FOXK2: variants seen among roughly 807,000 people sequenced by gnomAD.
FOXK2 encodes the protein forkhead box K2.
In FOXK2, 24 loss-of-function variants were observed where a neutral mutation model predicts 53.3. The observed-to-expected ratio is 0.45, with a 90% CI of 0.33 to 0.63. The LOEUF (loss-of-function observed/expected upper bound fraction) is 0.63, where lower values mean the gene tolerates loss of function less well. FOXK2 is among the 30% of genes least tolerant of loss of function. The probability of loss-of-function intolerance (pLI) is 0.03; values close to 1 mark genes in which losing one functional copy is unlikely to be tolerated. For synonymous variants in FOXK2, 505 were observed against 407.1 expected (o/e 1.24, Z -2.89); for missense variants, 952 against 910.5 (o/e 1.05, Z -0.59).
intron 8 of FOXK2, among the ~76,000 whole-genome samples, chr17:82,591,811 C>A (rs1019738366): frequency 6.6e-6 from 1 of 152,234 alleles, no homozygotes; most frequent in Admixed American, 6.5e-5. Context: ...CTTCTGCTTC[C>A]TGTTTCCAAA....
chr17:82,583,225 C>G (rs1280545958), intron 5 of FOXK2, among the ~76,000 whole-genome samples: 2 of 152,194 alleles, frequency 1.3e-5, no homozygotes, highest in African/African-American at 4.8e-5. Context: ...TTTTTCCTTT[C>G]CCTTGGCACA....
chr17:82,565,425 G>C (rs976842307), intron 2 of FOXK2, among the ~76,000 whole-genome samples: 5 of 152,110 alleles, frequency 3.3e-5, no homozygotes, highest in Non-Finnish European at 7.3e-5. Context: ...CATCTGACAA[G>C]GGATTAATAT....
Position 82,586,056 on chromosome 17 carries a change from C to G in FOXK2, c.1432C>G (p.Pro478Ala), listed in dbSNP as rs2045137608. The change falls in exon 7 of 9, where the codon CCA becomes GCA. Residue 478 changes from proline (P) to alanine (A), a missense_variant. Physicochemically the swap from Pro to Ala is conservative, Grantham distance 27. Transcript: ENST00000335255. ...GACGGTTCACGTCGTCCACCAGATCCCAGCGGTGTCGGTCACCAGTGTGGC... is the reference window on the plus strand; with the variant it reads ...GACGGTTCACGTCGTCCACCAGATCGCAGCGGTGTCGGTCACCAGTGTGGC... ...VQTVHVVHQI[P>A]AVSVTSVAGL... 2.5e-6 allele frequency: 4 copies of G among 1,612,834 alleles called. No homozygotes were observed. The highest frequency in any genetic ancestry group is 2.5e-6 in the Non-Finnish European group (3 of 1,179,996).
chr17:82,586,015 A>G lies in FOXK2; in HGVS notation c.1391A>G (p.Gln464Arg), dbSNP rs1025934424. 12 of 1,612,768 alleles carry G rather than the reference A, an allele frequency of 7.4e-6. No homozygotes were observed. The highest frequency in any genetic ancestry group is 1.0e-5 in the Non-Finnish European group (12 of 1,179,964). The stretch of plus-strand genomic sequence containing the variant: ...ACCCCAGTGACCACCTCGACCTCCC[A>G]GCCACCCGTCGTGCAGACGGTTCAC... ...VATPVTTSTS[Q>R]PPVVQTVHVV... The change falls in exon 7 of 9, where the codon CAG becomes CGG. Residue 464 changes from glutamine to arginine, a missense_variant. Transcript: ENST00000335255.
chr17:82,598,306 G>T (rs1051936430), intron 8 of FOXK2, among the ~76,000 whole-genome samples: 3 of 152,040 alleles, frequency 2.0e-5, no homozygotes, highest in Non-Finnish European at 4.4e-5. Context: ...TGTTGTCCAG[G>T]CTGGTCTCAG....
intron 1 of FOXK2, among the ~76,000 whole-genome samples, chr17:82,544,523 A>G (rs115287192): frequency 3.8e-4 from 58 of 152,314 alleles, no homozygotes; most frequent in African/African-American, 1.2e-3. Flanking sequence ...TGTACTGGGT[A>G]TGATTTCTTA....
At chr17:82,584,499 A>T in intron 6 of FOXK2, among the ~76,000 whole-genome samples, 1 of 142,340 alleles carries the variant, frequency 7.0e-6, no homozygotes. Context: ...TCAAAACAAA[A>T]CAAAAACCCA....
In FOXK2 at chr17:82,586,438, TCAAA is replaced by T. The variant is rs1567985280; in HGVS notation, c.1576+239_1576+242del. On this transcript the variant is annotated intron_variant, in intron 7 of 8. Transcript: ENST00000335255. ...GAGGAGAGGGGAGACCACAGGGAGG[TCAAA>T]GGTGGGCCGGGGGGGGAAAGGAGGA... is the stretch of plus-strand genomic sequence containing the variant. 2.3e-3 allele frequency among the ~76,000 whole-genome samples: 96 copies of T among 42,556 alleles called. 12 individuals are homozygous for T. The highest frequency in any genetic ancestry group is 4.9e-3 in the Admixed American group (13 of 2,630). The allele number at this position is 42,556 out of a possible 152,430, so 27.9% of individuals were successfully genotyped here. A position where few individuals can be genotyped will look rare whatever the true frequency, so the allele number is the denominator to read the frequency against.
intron 8 of FOXK2, among the ~76,000 whole-genome samples, chr17:82,598,112 C>T (rs1228299603): frequency 6.8e-6 from 1 of 146,058 alleles, no homozygotes; most frequent in Non-Finnish European, 1.6e-5. Flanking sequence ...AACCTTCTGG[C>T]TGTTTGAAAC....
Position 82,585,981 on chromosome 17 carries a change from A to ACTGTGGCCACCC in FOXK2, c.1359_1370dup (p.Ala455_Val458dup). 1.2e-6 allele frequency: 2 copies of ACTGTGGCCACCC among 1,612,568 alleles called. No homozygotes were observed. The highest frequency in any genetic ancestry group is 8.5e-7 in the Non-Finnish European group (1 of 1,179,904). On this transcript the variant is annotated inframe_insertion, in exon 7 of 9. Transcript: ENST00000335255. ...ACAGGCCATCAAGCCTGTCACCTAC[A>ACTGTGGCCACCC]CTGTGGCCACCCCAGTGACCACCTC... is the stretch of plus-strand genomic sequence containing the variant.
At chr17:82,583,028 A>G (rs1207217516) in intron 5 of FOXK2, 94 bp downstream of exon 5, 8 of 872,616 alleles carry the variant, frequency 9.2e-6, no homozygotes, top group African/African-American at 1.7e-5. Flanking sequence ...TGAAGGAACT[A>G]CTAAATGCAT....
At chr17:82,572,973 G>C (rs373188206) in intron 4 of FOXK2, among the ~76,000 whole-genome samples, 1 of 152,042 alleles carries the variant, frequency 6.6e-6, no homozygotes, top group African/African-American at 2.4e-5. Flanking sequence ...GGTGGATCGC[G>C]TGACTCTAGG....
At chr17:82,532,514 A>G (rs2044481603) in intron 1 of FOXK2, among the ~76,000 whole-genome samples, 1 of 148,326 alleles carries the variant, frequency 6.7e-6, no homozygotes, top group Non-Finnish European at 1.5e-5. Flanking sequence ...TAGTCTTAAC[A>G]TACTATAATT....
chr17:82,528,579 A>G (rs1019700325), intron 1 of FOXK2, among the ~76,000 whole-genome samples: 4 of 152,204 alleles, frequency 2.6e-5, no homozygotes, highest in Non-Finnish European at 5.9e-5. Flanking sequence ...TAAGGCACAC[A>G]TTACCATCTC....
At chr17:82,555,752 G>A (rs948313359) in intron 1 of FOXK2, among the ~76,000 whole-genome samples, 1 of 151,194 alleles carries the variant, frequency 6.6e-6, no homozygotes, top group African/African-American at 2.4e-5. Context: ...AATTGGCGTG[G>A]GGGCGGGCGC....
At position 82,604,520 on chromosome 17, in the gene FOXK2, G is replaced by A. The variant is rs1444659622; in HGVS notation, c.*3021G>A. ...AACTTCCACTATTCTAGAAAGTATA[G>A]TGGTGATTTGTGTGCAAAGATTTGA... is the stretch of plus-strand genomic sequence containing the variant. On this transcript the variant is annotated 3_prime_UTR_variant, in exon 9 of 9. Transcript: ENST00000335255. 6.6e-6 allele frequency: 1 copy of A among 152,606 alleles called. No homozygotes were observed. Among genetic ancestry groups the A allele is most frequent in the Admixed American group, 6.5e-5 (1 of 15,282 alleles). The allele number at this position is 152,606 out of a possible 1,614,324, so 9.5% of individuals were successfully genotyped here.
intron 1 of FOXK2, among the ~76,000 whole-genome samples, chr17:82,538,722 G>A (rs1277481571): frequency 2.0e-5 from 3 of 152,036 alleles, no homozygotes; most frequent in African/African-American, 4.8e-5. Flanking sequence ...CTTTCCAGCC[G>A]GGCCCTTCCT....
intron 1 of FOXK2, among the ~76,000 whole-genome samples, chr17:82,530,752 C>G (rs551811620): frequency 3.2e-4 from 48 of 152,252 alleles, no homozygotes; most frequent in East Asian, 3.9e-4. Flanking sequence ...GCAGGTGATT[C>G]CCCTGTCTTG....
At chr17:82,573,067 C>CT (rs2044936693) in intron 4 of FOXK2, among the ~76,000 whole-genome samples, 1 of 152,090 alleles carries the variant, frequency 6.6e-6, no homozygotes, top group African/African-American at 2.4e-5. Context: ...GTGGCTTACG[C>CT]TTGTAGTCCC....
Sources: gnomAD v4.1 joint callset for allele counts (sites outside exome capture counted in the v4.1 genomes callset) on GRCh38, gnomAD v4.1.1 for gene constraint, MANE v1.5 for transcripts, NCBI Gene and HGNC (gene_info 2026-07-23, HGNC 2026-07-21) for gene names.